Variants in WRN observed in about 807,000 individuals in gnomAD.
The protein encoded by WRN is bifunctional 3'-5' exonuclease/ATP-dependent helicase WRN.
A neutral mutation model predicts 180.7 loss-of-function variants in WRN; 149 were observed. The observed-to-expected ratio is 0.82, with a 90% confidence interval of 0.72 to 0.94. The LOEUF is 0.94. WRN is among the 40% of genes least tolerant of loss of function. The pLI, the probability that WRN is intolerant of heterozygous loss-of-function variation, is 0.00. For synonymous variants in WRN, 548 were observed against 568.9 expected, an observed-to-expected ratio of 0.96 and a Z score of 0.52; for missense variants, 1,661 against 1,700.1, an observed-to-expected ratio of 0.98 and a Z score of 0.40.
chr8:31,097,970 A>C (rs1814062321), intron 17 of WRN, among the ~76,000 whole-genome samples: 1 of 152,162 alleles, frequency 6.6e-6, no homozygotes, highest in South Asian at 2.1e-4. Context: ...TCGAATTGCA[A>C]CGTCTCATTT....
intron 17 of WRN, among the ~76,000 whole-genome samples, chr8:31,100,549 C>T (rs981912776): frequency 6.6e-6 from 1 of 152,122 alleles, no homozygotes; most frequent in Non-Finnish European, 1.5e-5. Context: ...GAGGCAAAGT[C>T]ACAGTAAGCA....
intron 3 of WRN, among the ~76,000 whole-genome samples, chr8:31,063,816 T>C (rs762073127): frequency 6.6e-6 from 1 of 152,212 alleles, no homozygotes; most frequent in Non-Finnish European, 1.5e-5. Flanking sequence ...CTCGAACTCC[T>C]GGACTCAAGT....
chr8:31,093,051 C>A (rs1385140271), intron 16 of WRN, among the ~76,000 whole-genome samples: 1 of 152,112 alleles, frequency 6.6e-6, no homozygotes, highest in Non-Finnish European at 1.5e-5. Context: ...CTCAAGCTAT[C>A]CTCCTGCCTC....
chr8:31,036,565 T>C (rs1811460330), intron 1 of WRN, among the ~76,000 whole-genome samples: 1 of 152,240 alleles, frequency 6.6e-6, no homozygotes, highest in African/African-American at 2.4e-5. Flanking sequence ...TGAGGTGATA[T>C]CTCATTGTGA....
intron 28 of WRN, 28 bp from the exon 29 acceptor site, chr8:31,147,025 A>C: frequency 3.2e-6 from 5 of 1,560,218 alleles, no homozygotes; most frequent in Non-Finnish European, 4.4e-6. Flanking sequence ...AAAAGCTTTT[A>C]TTATTTATTT....
At chr8:31,081,348 CTT>C (rs763265923) in intron 9 of WRN, 52 bp downstream of exon 9, 1 of 1,582,188 alleles carries the variant, frequency 6.3e-7, no homozygotes, top group Admixed American at 1.7e-5. Context: ...TTCTGGCAGA[CTT>C]TATTCCCGTA....
chr8:31,156,483 T>C (rs1279796908), intron 32 of WRN, among the ~76,000 whole-genome samples: 2 of 152,228 alleles, frequency 1.3e-5, no homozygotes, highest in East Asian at 3.8e-4. Context: ...ATAACCCTGA[T>C]ATTATGCACA....
intron 32 of WRN, among the ~76,000 whole-genome samples, chr8:31,157,109 G>A (rs938681036): frequency 3.3e-5 from 5 of 152,178 alleles, no homozygotes; most frequent in Non-Finnish European, 5.9e-5. Flanking sequence ...AGAGAGGGGC[G>A]AGGATTGAAT....
At chr8:31,159,004 A>C (rs931133734) in intron 33 of WRN, among the ~76,000 whole-genome samples, 3 of 152,134 alleles carry the variant, frequency 2.0e-5, no homozygotes, top group African/African-American at 7.2e-5. Flanking sequence ...ATATGGATAT[A>C]AAAATGAGAA....
chr8:31,050,505 G>C (rs1034087808), intron 1 of WRN, among the ~76,000 whole-genome samples: 1 of 149,436 alleles, frequency 6.7e-6, no homozygotes, highest in African/African-American at 2.5e-5. Context: ...CTAAGTTTTG[G>C]ATACTTTTTT....
intron 1 of WRN, among the ~76,000 whole-genome samples, chr8:31,047,527 C>T (rs186772298): frequency 6.6e-6 from 1 of 152,174 alleles, no homozygotes; most frequent in East Asian, 1.9e-4. Context: ...TTCCTTAAAG[C>T]GCATTGGACA....
Position 31,120,138 on chromosome 8 carries a change from C to T in WRN, c.2449-105C>T, listed in dbSNP as rs11574313. 6,896 of 1,355,020 alleles carry T rather than the reference C, an allele frequency of 5.1e-3. 213 individuals carry two copies. The African/African-American group carries it at 0.077, about 15-fold the overall frequency. 83.9% of individuals were successfully genotyped at this position (1,355,020 alleles called of 1,614,324 possible). A position where few individuals can be genotyped will look rare whatever the true frequency, so the allele number is the denominator to read the frequency against. On this transcript the variant is annotated intron_variant, in intron 20 of 34. Coordinates refer to ENST00000298139, the MANE Select transcript of WRN (RefSeq NM_000553.6). ...AATCACATTGAATTCCACTTTGTGC[C>T]AGGGACTTAAGTTAACGAACAAATT...
chr8:31,129,399 A>C (rs1802057217), intron 23 of WRN, among the ~76,000 whole-genome samples: 1 of 152,236 alleles, frequency 6.6e-6, no homozygotes. Context: ...ATAAAGCCTG[A>C]AATACTTACT....
At chr8:31,122,589 G>A (rs1317804118) in intron 21 of WRN, among the ~76,000 whole-genome samples, 1 of 151,756 alleles carries the variant, frequency 6.6e-6, no homozygotes, top group Admixed American at 6.6e-5. Context: ...GAGTAATCTC[G>A]GTCCGGTAGA....
chr8:31,063,012 T>G (rs1461234548), intron 3 of WRN, among the ~76,000 whole-genome samples: 2 of 152,016 alleles, frequency 1.3e-5, no homozygotes, highest in Non-Finnish European at 2.9e-5. Flanking sequence ...TTATTTATAG[T>G]TTTTAAAGAC....
intron 33 of WRN, among the ~76,000 whole-genome samples, chr8:31,161,520 G>T (rs552913028): frequency 6.6e-6 from 1 of 152,082 alleles, no homozygotes; most frequent in Non-Finnish European, 1.5e-5. Flanking sequence ...CATAGAAAAG[G>T]CCCAGTAGAA....
chr8:31,088,951 T>C lies in WRN; in HGVS notation c.1638T>C (p.His546=). The C allele has an allele frequency of 1.2e-6, 2 of 1,610,932 alleles. No individual in the cohort carries two copies. Among genetic ancestry groups the C allele is most frequent in the Non-Finnish European group, 1.7e-6 (2 of 1,178,384 alleles). ...QVTCLKMYFG[H]SSFKPVQWKV... ...CTTGCCTCAAGATGTACTTTGGCCA[T>C]TCCAGTTTTAAACCGTGAGTATAAT... Residue 546 remains histidine, a synonymous_variant, in exon 13 of 35, where the codon CAT becomes CAC. Coordinates refer to ENST00000298139, the MANE Select transcript of WRN (RefSeq NM_000553.6).
chr8:31,112,929 A>G (rs1476633425), intron 19 of WRN, among the ~76,000 whole-genome samples: 1 of 151,886 alleles, frequency 6.6e-6, no homozygotes, highest in African/African-American at 2.4e-5. Flanking sequence ...TTCTTGTCCA[A>G]TCATGGTGTC....
At chr8:31,042,987 A>T (rs2129924653) in intron 1 of WRN, among the ~76,000 whole-genome samples, 1 of 152,344 alleles carries the variant, frequency 6.6e-6, no homozygotes, top group South Asian at 2.1e-4. Flanking sequence ...TGTCAACAAG[A>T]GTGTCTTCAG....
Sources: allele counts gnomAD v4.1 joint callset (sites outside exome capture counted in the v4.1 genomes callset), GRCh38; gene constraint gnomAD v4.1.1; transcripts MANE v1.5; gene names NCBI Gene and HGNC (gene_info 2026-07-23, HGNC 2026-07-21).